The following ANK2 variants were observed in gnomAD, a reference collection of about 807,000 sequenced individuals.
ANK2 encodes the protein ankyrin-2.
ANK2 carries 83 observed loss-of-function variants against 360.5 expected under a neutral mutation model. That is an observed-to-expected ratio of 0.23 (90% CI 0.19 to 0.28). The LOEUF (loss-of-function observed/expected upper bound fraction) is 0.28, where lower values mean the gene tolerates loss of function less well. Ranked by LOEUF, ANK2 falls within the 10% of genes least tolerant of loss-of-function variation. The pLI, the probability that ANK2 is intolerant of heterozygous loss-of-function variation, is 1.00. For synonymous variants in ANK2, 1,740 were observed against 1,759.5 expected, an observed-to-expected ratio of 0.99 and a Z score of 0.28; for missense variants, 4,201 against 4,795.7, an observed-to-expected ratio of 0.88 and a Z score of 3.66.
chr4:113,321,276 A>T (rs562577916), intron 26 of ANK2, among the ~76,000 whole-genome samples: 20 of 143,848 alleles, frequency 1.4e-4, no homozygotes, highest in Non-Finnish European at 2.5e-4. Context: ...TATAGCTATT[A>T]GTATTTGTAC....
the ANK2 span, among the ~76,000 whole-genome samples, chr4:112,739,724 A>G: frequency 2.6e-5 from 4 of 152,086 alleles, no homozygotes; most frequent in Admixed American, 2.6e-4. Context: ...CCCTCCTATC[A>G]CTCTCTGATA....
chr4:112,950,903 A>C (rs2094919215), intron 2 of ANK2, among the ~76,000 whole-genome samples: 1 of 150,976 alleles, frequency 6.6e-6, no homozygotes, highest in African/African-American at 2.4e-5. Flanking sequence ...TAAAACGGTG[A>C]AACCCCGTCT....
At chr4:113,180,244 C>T (rs900074665) in intron 2 of ANK2, among the ~76,000 whole-genome samples, 4 of 152,176 alleles carry the variant, frequency 2.6e-5, no homozygotes, top group Non-Finnish European at 4.4e-5. Flanking sequence ...TTCTAGTTTT[C>T]CCCACTTACC....
chr4:112,752,693 G>C, the ANK2 span, among the ~76,000 whole-genome samples: 1 of 151,844 alleles, frequency 6.6e-6, no homozygotes, highest in East Asian at 1.9e-4. Context: ...CTCTTTGTTT[G>C]TTTGAGAGTC....
intron 2 of ANK2, among the ~76,000 whole-genome samples, chr4:113,176,044 G>A (rs182358345): frequency 4.6e-5 from 7 of 152,316 alleles, no homozygotes; most frequent in East Asian, 1.9e-4. Context: ...GGGATTAGGC[G>A]ATATCTCCCT....
intron 10 of ANK2, among the ~76,000 whole-genome samples, chr4:113,254,180 G>T (rs1238826814): frequency 4.6e-5 from 7 of 152,070 alleles, no homozygotes; most frequent in Non-Finnish European, 8.8e-5. Flanking sequence ...GCCATTCGGT[G>T]TTTTTGTTTT....
chr4:113,190,403 C>A (rs2098639652), intron 2 of ANK2, among the ~76,000 whole-genome samples: 5 of 152,102 alleles, frequency 3.3e-5, no homozygotes, highest in Admixed American at 3.3e-4. Context: ...AGCCACTGTG[C>A]CTGCCTAGAA....
chr4:113,145,852 GGA>G (rs2096809469), intron 1 of ANK2: 1 of 1,289,586 alleles, frequency 7.8e-7, no homozygotes, highest in African/African-American at 1.5e-5. Flanking sequence ...ACTGACAGCA[GGA>G]ACTGTAGAGC....
chr4:113,131,024 A>G (rs2095993029), intron 1 of ANK2, among the ~76,000 whole-genome samples: 3 of 152,236 alleles, frequency 2.0e-5, no homozygotes, highest in Non-Finnish European at 2.9e-5. Flanking sequence ...CTTCCCTTGT[A>G]CCATTTCTAT....
chr4:113,220,358 T>C (rs1211293809), intron 4 of ANK2, among the ~76,000 whole-genome samples: 4 of 152,192 alleles, frequency 2.6e-5, no homozygotes, highest in Admixed American at 2.6e-4. Flanking sequence ...TGGAATTATA[T>C]GGGGAAACAT....
intron 1 of ANK2, among the ~76,000 whole-genome samples, chr4:113,140,477 G>GT (rs1243165278): frequency 1.3e-5 from 2 of 152,110 alleles, no homozygotes; most frequent in Non-Finnish European, 2.9e-5. Flanking sequence ...CGTTAGGATA[G>GT]TTTTTTTGCA....
chr4:113,223,766 A>T (rs2099180362), intron 4 of ANK2, among the ~76,000 whole-genome samples: 1 of 152,174 alleles, frequency 6.6e-6, no homozygotes, highest in South Asian at 2.1e-4. Flanking sequence ...CTTAGTGGGG[A>T]TATTATTAGC....
At chr4:112,804,471 G>A in the ANK2 span, among the ~76,000 whole-genome samples, 3 of 152,080 alleles carry the variant, frequency 2.0e-5, no homozygotes, top group East Asian at 5.8e-4. Flanking sequence ...CTACCTCCTT[G>A]GACAAAAATT....
intron 2 of ANK2, among the ~76,000 whole-genome samples, chr4:112,958,045 G>T (rs2031715404): frequency 6.6e-6 from 1 of 151,836 alleles, no homozygotes; most frequent in African/African-American, 2.4e-5. Context: ...TTGGTGGCCG[G>T]GAAGAGGCGC....
At chr4:112,741,862 T>C in the ANK2 span, among the ~76,000 whole-genome samples, 5 of 152,278 alleles carry the variant, frequency 3.3e-5, no homozygotes, top group East Asian at 9.6e-4. Flanking sequence ...AAAATTGGCA[T>C]TGGGTTCAAA....
chr4:112,828,926 G>A (rs982523029), intron 1 of ANK2, among the ~76,000 whole-genome samples: 1 of 152,198 alleles, frequency 6.6e-6, no homozygotes, highest in Non-Finnish European at 1.5e-5. Context: ...GATGGAGTCG[G>A]GTGGATCACT....
chr4:112,952,869 G>T (rs1230808589), intron 2 of ANK2, among the ~76,000 whole-genome samples: 1 of 152,054 alleles, frequency 6.6e-6, no homozygotes, highest in Non-Finnish European at 1.5e-5. Context: ...CATCTTACAG[G>T]TTAGGAAATG....
intron 2 of ANK2, among the ~76,000 whole-genome samples, chr4:112,959,300 C>A (rs1226076562): frequency 6.6e-6 from 1 of 151,970 alleles, no homozygotes; most frequent in Non-Finnish European, 1.5e-5. Flanking sequence ...CAGAGTGGAA[C>A]CTTAACCCTT....
intron 1 of ANK2, among the ~76,000 whole-genome samples, chr4:112,858,688 A>G (rs1579864709): frequency 1.3e-5 from 2 of 152,228 alleles, no homozygotes; most frequent in Non-Finnish European, 2.9e-5. Context: ...CACATCTTTG[A>G]GGACAAAGAT....
Sources: gnomAD v4.1 joint callset for allele counts (sites outside exome capture counted in the v4.1 genomes callset) on GRCh38, gnomAD v4.1.1 for gene constraint, MANE v1.5 for transcripts, NCBI Gene and HGNC (gene_info 2026-07-23, HGNC 2026-07-21) for gene names.